The following TARS1 variants were observed in gnomAD, a reference collection of about 807,000 sequenced individuals.
TARS1 encodes the protein threonyl-tRNA synthetase 1.
In TARS1, 57 loss-of-function variants were observed where a neutral mutation model predicts 97.7. The observed-to-expected ratio is 0.58, with a 90% CI of 0.47 to 0.73. TARS1 has a LOEUF of 0.73. TARS1 is among the 30% of genes least tolerant of loss of function. The pLI is 0.00. For synonymous variants in TARS1, 312 were observed against 293.7 expected, an observed-to-expected ratio of 1.06 and a Z score of -0.64; for missense variants, 806 against 888.3, an observed-to-expected ratio of 0.91 and a Z score of 1.18.
At chr5:33,446,960 A>G (rs2111933654) in intron 2 of TARS1, among the ~76,000 whole-genome samples, 1 of 152,326 alleles carries the variant, frequency 6.6e-6, no homozygotes, top group Admixed American at 6.5e-5. Flanking sequence ...CGACTAAAGA[A>G]AGGGAGGGAC....
intron 11 of TARS1, 26 bp from the exon 12 acceptor site, chr5:33,460,876 C>T (rs1488682312): frequency 1.1e-5 from 17 of 1,612,890 alleles, no homozygotes; most frequent in African/African-American, 1.3e-5. Flanking sequence ...TCTTAAGTGT[C>T]CGTGGACTTT....
intron 16 of TARS1, 132 bp downstream of exon 16, chr5:33,462,335 T>C: frequency 1.3e-6 from 1 of 785,520 alleles, no homozygotes; most frequent in Non-Finnish European, 2.1e-6. Context: ...CGACAAGTGT[T>C]CATTAAAAAA....
intron 11 of TARS1, among the ~76,000 whole-genome samples, chr5:33,460,701 T>C (rs1273090354): frequency 6.6e-6 from 1 of 152,250 alleles, no homozygotes; most frequent in African/African-American, 2.4e-5. Flanking sequence ...TTCTTCACTG[T>C]GGTTCATTGA....
chr5:33,455,146 G>A, intron 5 of TARS1, 80 bp downstream of exon 5: 1 of 1,548,510 alleles, frequency 6.5e-7, no homozygotes, highest in Non-Finnish European at 8.8e-7. Flanking sequence ...CTCAGTAAGG[G>A]AGGAATGATA....
rs765111664 is a variant in TARS1 at position 33,462,113 on chromosome 5, A to T, written c.1745A>T (p.Asp582Val). ...NLTYVSHDGD[D>V]KKRPVIVHRA... ...TTTCTTTATAGCCATGATGGTGATG[A>T]TAAGAAAAGGCCAGTGATTGTTCAT... The change falls in exon 16 of 19, where the codon GAT becomes GTT. Residue 582 changes from aspartate to valine, a missense_variant. This residue lies in a region of TARS1 where 446 missense variants were observed against 511.0 expected (regional missense o/e 0.87). Coordinates refer to ENST00000265112, the MANE Select transcript of TARS1 (RefSeq NM_152295.5). 2 of 1,612,246 alleles carry T rather than the reference A, an allele frequency of 1.2e-6. No individual in the cohort carries two copies. Among genetic ancestry groups the T allele is most frequent in the South Asian group, 2.2e-5 (2 of 90,484 alleles).
chr5:33,460,027 A>AT, intron 11 of TARS1, 166 bp downstream of exon 11: 1 of 475,268 alleles, frequency 2.1e-6, no homozygotes, highest in Non-Finnish European at 3.3e-6. Flanking sequence ...TTAGATCCCC[A>AT]CTTTTTTTTT....
At chr5:33,445,222 TAAA>T in intron 1 of TARS1, 99 bp from the exon 2 acceptor site, 1 of 884,298 alleles carries the variant, frequency 1.1e-6, no homozygotes. Flanking sequence ...TTTTTTAAAT[TAAA>T]TAACAAATAC....
chr5:33,449,008 G>A (rs990249002), intron 3 of TARS1, among the ~76,000 whole-genome samples: 4 of 152,076 alleles, frequency 2.6e-5, no homozygotes, highest in African/African-American at 4.8e-5. Flanking sequence ...TTACAAAACC[G>A]ACTAGACAGT....
Position 33,462,164 on chromosome 5 carries a change from G to A in TARS1, c.1796G>A (p.Arg599Lys). ...CGAGCCATCTTGGGATCAGTGGAAA[G>A]AATGATTGCTATCCTCACAGAAAAC... is the stretch of plus-strand genomic sequence containing the variant. ...VHRAILGSVE[R>K]MIAILTENYG... Residue 599 changes from arginine (R) to lysine (K), a missense_variant, in exon 16 of 19, where the codon AGA becomes AAA. Arg to Lys is a conservative substitution (Grantham distance 26). Coordinates refer to ENST00000265112, the MANE Select transcript of TARS1 (RefSeq NM_152295.5). 1 of 1,612,996 alleles carries A rather than the reference G, an allele frequency of 6.2e-7. No individual in the cohort carries two copies. Among genetic ancestry groups the A allele is most frequent in the Non-Finnish European group, 8.5e-7 (1 of 1,179,882 alleles).
chr5:33,459,369 G>T (rs1187215262), intron 10 of TARS1, among the ~76,000 whole-genome samples: 3 of 152,190 alleles, frequency 2.0e-5, no homozygotes, highest in African/African-American at 7.2e-5. Flanking sequence ...TATTTTTAGA[G>T]ACATGCAAAT....
At position 33,448,670 on chromosome 5, in the gene TARS1, G is replaced by A. The variant is rs567512853; in HGVS notation, c.268G>A (p.Gly90Ser). ...SKPIKVTLPDGKQVDAESWKT... is the reference protein window; with the variant it reads ...SKPIKVTLPDSKQVDAESWKT... ...GCCAATTAAAGTCACTTTGCCTGAT[G>A]GTAAACAGGTTGATGCGGAATCTTG... The change falls in exon 3 of 19, where the codon GGT becomes AGT. Residue 90 changes from glycine to serine, a missense_variant. By Grantham distance (56) the Gly-to-Ser change is moderately conservative (BLOSUM62 0). This residue lies in a region of TARS1 where 356 missense variants were observed against 357.8 expected (regional missense o/e 0.99). Transcript: ENST00000265112. 223 of 1,613,816 alleles carry A rather than the reference G, an allele frequency of 1.4e-4. 3 individuals carry two copies. The South Asian group carries it at 2.3e-3, about 17-fold the overall frequency.
chr5:33,455,958 A>G, intron 6 of TARS1, 44 bp from the exon 7 acceptor site: 1 of 1,567,360 alleles, frequency 6.4e-7, no homozygotes, highest in Non-Finnish European at 8.7e-7. Context: ...AGAAGTAAAA[A>G]TTAAAGGACA....
intron 16 of TARS1, 139 bp from the exon 17 acceptor site, chr5:33,463,614 G>A (rs1742396288): frequency 2.9e-6 from 2 of 682,472 alleles, no homozygotes; most frequent in African/African-American, 3.6e-5. Context: ...TTTCATTTTG[G>A]GGTTTTTTAA....
intron 7 of TARS1, 38 bp from the exon 8 acceptor site, chr5:33,456,110 AT>A: frequency 1.2e-6 from 2 of 1,612,986 alleles, no homozygotes; most frequent in Non-Finnish European, 8.5e-7. Context: ...TATGTATGTC[AT>A]TTTGTCTTTG....
intron 11 of TARS1, among the ~76,000 whole-genome samples, chr5:33,460,349 A>G (rs908021100): frequency 1.3e-5 from 2 of 152,244 alleles, no homozygotes; most frequent in African/African-American, 4.8e-5. Context: ...AAACAGGAAG[A>G]TGAAATATGG....
intron 10 of TARS1, among the ~76,000 whole-genome samples, 196 bp from the exon 11 acceptor site, chr5:33,459,499 A>C (rs1358731008): frequency 6.6e-6 from 1 of 152,236 alleles, no homozygotes; most frequent in Non-Finnish European, 1.5e-5. Flanking sequence ...CTGCAGTAGC[A>C]TCACTTTTAT....
At chr5:33,443,993 A>G (rs1467559558) in intron 1 of TARS1, among the ~76,000 whole-genome samples, 3 of 152,144 alleles carry the variant, frequency 2.0e-5, no homozygotes, top group Non-Finnish European at 2.9e-5. Context: ...AACGCATTTT[A>G]TAGGATTTAA....
rs1024400555 is a variant in TARS1 at position 33,441,025 on chromosome 5, C to T, written c.-62C>T. On this transcript the variant is annotated 5_prime_UTR_variant, in exon 1 of 19. Transcript: ENST00000265112. ...GGGCGCTAGCCCACCTCCCACCCGC[C>T]TCTTGGCTCCTCTCCTCTAGGCCGT... 9.9e-6 allele frequency: 16 copies of T among 1,609,648 alleles called. No individual in the cohort carries two copies. The highest frequency in any genetic ancestry group is 8.9e-5 in the East Asian group (4 of 44,796).
At chr5:33,445,038 G>A (rs754816489) in intron 1 of TARS1, among the ~76,000 whole-genome samples, 6 of 151,940 alleles carry the variant, frequency 3.9e-5, no homozygotes, top group Non-Finnish European at 7.4e-5. Flanking sequence ...TGTGGTCCAA[G>A]TAAACCTGAA....
Sources: gnomAD v4.1 joint callset for allele counts (sites outside exome capture counted in the v4.1 genomes callset) on GRCh38, gnomAD v4.1.1 for gene constraint, gnomAD v4.1.1 regional missense constraint, MANE v1.5 for transcripts, NCBI Gene and HGNC (gene_info 2026-07-23, HGNC 2026-07-21) for gene names.